Variants in MMP26 observed in about 807,000 individuals in gnomAD.
MMP26 encodes matrix metallopeptidase 26.
Under a neutral mutation model 31.0 loss-of-function variants are expected in MMP26, and 33 were observed. The observed-to-expected ratio is 1.06, with a 90% CI of 0.81 to 1.42. MMP26 has a LOEUF of 1.42. Among genes scored for constraint, MMP26 ranks in the 40% most tolerant of loss-of-function variants. The pLI is 0.00. For synonymous variants in MMP26, 122 were observed against 114.9 expected (o/e 1.06, Z -0.40); for missense variants, 347 against 316.1 (o/e 1.10, Z -0.74).
chr11:4,931,732 A>G (rs1306574528), intron 2 of MMP26, among the ~76,000 whole-genome samples: 2 of 152,074 alleles, frequency 1.3e-5, no homozygotes, highest in African/African-American at 4.8e-5. Context: ...ACAGGAAGAT[A>G]TGAAATTTAG....
chr11:4,795,392 C>G (rs1219624575), intron 2 of MMP26: 2 of 152,080 alleles, frequency 1.3e-5, no homozygotes, highest in Non-Finnish European at 2.9e-5. Context: ...AGAGACCAAC[C>G]AAGTAATAAA....
At chr11:4,921,784 G>C (rs961483878) in intron 2 of MMP26, among the ~76,000 whole-genome samples, 1 of 152,004 alleles carries the variant, frequency 6.6e-6, no homozygotes. Flanking sequence ...TTCTTCACAG[G>C]GAAAGAAGAG....
rs187019935 is a variant in MMP26, at chr11:4,770,956, G to C, written c.-145+3615G>C. On this transcript the variant is annotated intron_variant, in intron 2 of 7. Transcript: ENST00000380390. ...GATTAAAAAATTCAAATGCAGCTGA[G>C]AGCCATTAGCGATCCCAGAAAAAAC... Among the ~76,000 whole-genome samples the C allele has an allele frequency of 4.6e-5, 7 of 152,266 alleles. No individual in the cohort carries two copies. In the East Asian group the frequency reaches 1.2e-3, roughly 25 times the overall value.
chr11:4,850,648 A>C (rs1019488733), intron 2 of MMP26, among the ~76,000 whole-genome samples: 7 of 152,020 alleles, frequency 4.6e-5, no homozygotes, highest in African/African-American at 1.7e-4. Flanking sequence ...CAGGATAATG[A>C]TATAGATACA....
At chr11:4,788,344 C>T (rs1206428132) in intron 2 of MMP26, among the ~76,000 whole-genome samples, 2 of 151,868 alleles carry the variant, frequency 1.3e-5, no homozygotes, top group African/African-American at 4.8e-5. Context: ...TGGCCTGTGA[C>T]ATGAGAACCG....
chr11:4,811,760 G>A (rs1849352402), intron 2 of MMP26, among the ~76,000 whole-genome samples: 1 of 152,068 alleles, frequency 6.6e-6, no homozygotes. Flanking sequence ...AGTCCCAAAT[G>A]CCACTTGACT....
chr11:4,756,364 A>G (rs1848504276), intron 1 of MMP26, among the ~76,000 whole-genome samples: 1 of 152,100 alleles, frequency 6.6e-6, no homozygotes, highest in South Asian at 2.1e-4. Context: ...AAAAATAAAT[A>G]CAATAAAAAT....
intron 2 of MMP26, among the ~76,000 whole-genome samples, chr11:4,867,548 G>A (rs956713600): frequency 2.0e-5 from 3 of 151,732 alleles, no homozygotes; most frequent in Non-Finnish European, 2.9e-5. Context: ...GCACCATCAC[G>A]TCTGGCTAAT....
At chr11:4,892,235 A>G (rs1451430641) in intron 2 of MMP26, among the ~76,000 whole-genome samples, 1 of 152,158 alleles carries the variant, frequency 6.6e-6, no homozygotes, top group Non-Finnish European at 1.5e-5. Flanking sequence ...TTGTTTTGTC[A>G]TAATCTGGAT....
chr11:4,721,486 C>T lies in MMP26; in HGVS notation c.-217+16441C>T, dbSNP rs545736233. On this transcript the variant is annotated intron_variant, in intron 1 of 7. Coordinates refer to ENST00000380390, the MANE Select transcript of MMP26 (RefSeq NM_021801.5). Reference sequence around the variant, plus strand: ...AGGTCTCCTGTGCAATGGCCAGCAACAGAGTTTCAAGTTGTGTCTGAGTCA... The same window carrying T: ...AGGTCTCCTGTGCAATGGCCAGCAATAGAGTTTCAAGTTGTGTCTGAGTCA... Among the ~76,000 whole-genome samples, 3 of 152,322 alleles carry T rather than the reference C, an allele frequency of 2.0e-5. No individual in the cohort carries two copies. In the South Asian group the frequency reaches 6.2e-4, roughly 32 times the overall value.
At chr11:4,968,762 A>C (rs1395010324) in intron 2 of MMP26, among the ~76,000 whole-genome samples, 2 of 152,006 alleles carry the variant, frequency 1.3e-5, no homozygotes, top group Non-Finnish European at 2.9e-5. Context: ...ATTAATAAAA[A>C]TAAATAAATC....
At chr11:4,744,557 G>A (rs1299905364) in intron 1 of MMP26, among the ~76,000 whole-genome samples, 1 of 152,124 alleles carries the variant, frequency 6.6e-6, no homozygotes, top group Non-Finnish European at 1.5e-5. Flanking sequence ...GTCCAATTCA[G>A]CTCCCAGAAT....
At chr11:4,916,036 G>T (rs1019252403) in intron 2 of MMP26, among the ~76,000 whole-genome samples, 2 of 152,050 alleles carry the variant, frequency 1.3e-5, no homozygotes, top group Non-Finnish European at 2.9e-5. Flanking sequence ...ATGCACCCAG[G>T]GGCCAGGTGC....
chr11:4,988,489 T>C (rs1490515662), intron 3 of MMP26, among the ~76,000 whole-genome samples, 179 bp downstream of exon 3: 1 of 152,146 alleles, frequency 6.6e-6, no homozygotes, highest in Admixed American at 6.5e-5. Flanking sequence ...AGAAAAAAAT[T>C]AATTTTTTGT....
intron 2 of MMP26, among the ~76,000 whole-genome samples, chr11:4,838,658 G>A (rs1479151856): frequency 6.6e-6 from 1 of 152,068 alleles, no homozygotes; most frequent in Non-Finnish European, 1.5e-5. Flanking sequence ...CCATACTAGT[G>A]CACTTGGAGG....
chr11:4,762,384 T>C (rs557760242), intron 1 of MMP26, among the ~76,000 whole-genome samples: 55 of 152,306 alleles, frequency 3.6e-4, no homozygotes, highest in Non-Finnish European at 7.1e-4. Context: ...TTCCAACTTA[T>C]AGATGTACTT....
At chr11:4,772,877 T>G (rs762152959) in intron 2 of MMP26, among the ~76,000 whole-genome samples, 16 of 152,190 alleles carry the variant, frequency 1.1e-4, no homozygotes, top group Non-Finnish European at 1.9e-4. Context: ...CTATTTTTCT[T>G]TGATTTCTAC....
chr11:4,705,994 G>A (rs1253877600), intron 1 of MMP26, among the ~76,000 whole-genome samples: 1 of 151,488 alleles, frequency 6.6e-6, no homozygotes, highest in African/African-American at 2.4e-5. Flanking sequence ...TGGTGGTGGG[G>A]GGAGCTGTTC....
At chr11:4,964,894 A>G (rs143802965) in intron 2 of MMP26, among the ~76,000 whole-genome samples, 489 of 152,282 alleles carry the variant, frequency 3.2e-3, no homozygotes, top group African/African-American at 8.9e-3. Context: ...ATGCAGGGGA[A>G]CAACACACAC....
Sources: gnomAD v4.1 joint callset for allele counts (sites outside exome capture counted in the v4.1 genomes callset) on GRCh38, gnomAD v4.1.1 for gene constraint, MANE v1.5 for transcripts, NCBI Gene and HGNC (gene_info 2026-07-23, HGNC 2026-07-21) for gene names.